GSG1L: variants seen among roughly 807,000 people sequenced by gnomAD.
GSG1L encodes the protein germ cell-specific gene 1-like protein.
In GSG1L, 24 loss-of-function variants were observed where a neutral mutation model predicts 42.1. The ratio of observed to expected loss-of-function variants is 0.57; its 90% CI spans 0.41 to 0.80. The LOEUF is 0.80. GSG1L is among the 30% of genes least tolerant of loss of function. GSG1L has a pLI of 0.00. For synonymous variants in GSG1L, 215 were observed against 203.5 expected, an observed-to-expected ratio of 1.06 and a Z score of -0.48; for missense variants, 445 against 472.2, an observed-to-expected ratio of 0.94 and a Z score of 0.53.
chr16:27,968,764 T>A (rs1422625569), intron 1 of GSG1L, among the ~76,000 whole-genome samples: 3 of 152,214 alleles, frequency 2.0e-5, no homozygotes, highest in African/African-American at 7.2e-5. Context: ...CCCTTTTCTT[T>A]AACAATTTTA....
intron 2 of GSG1L, among the ~76,000 whole-genome samples, chr16:27,900,445 C>T (rs767051921): frequency 2.2e-4 from 33 of 152,144 alleles, no homozygotes; most frequent in Non-Finnish European, 3.8e-4. Context: ...CCTGGTCAGC[C>T]CAGCTCCCAT....
intron 1 of GSG1L, among the ~76,000 whole-genome samples, chr16:27,992,887 C>T (rs1351375604): frequency 6.6e-6 from 1 of 152,150 alleles, no homozygotes; most frequent in African/African-American, 2.4e-5. Context: ...CCACATCCTC[C>T]ACCTTATAAC....
At position 27,896,106 on chromosome 16, in the gene GSG1L, A is replaced by G. The variant is rs556601206; in HGVS notation, c.398-11468T>C. 2.0e-5 allele frequency among the ~76,000 whole-genome samples: 3 copies of G among 152,256 alleles called. No individual in the cohort carries two copies. The South Asian group carries it at 6.2e-4, about 32-fold the overall frequency. ...GTCCCTAGCTGACTCCAAAGCACAT[A>G]GGAGTGTAAGGAGCACTGGCCTAGG... is the stretch of plus-strand genomic sequence containing the variant. On this transcript the variant is annotated intron_variant, in intron 2 of 6. Transcript: ENST00000447459.
chr16:27,872,573 C>T (rs555175335), intron 3 of GSG1L, among the ~76,000 whole-genome samples: 1 of 152,218 alleles, frequency 6.6e-6, no homozygotes, highest in South Asian at 2.1e-4. Context: ...CCGTCCAAGT[C>T]ACAGCATGAG....
intron 1 of GSG1L, among the ~76,000 whole-genome samples, chr16:28,061,867 G>C (rs539821247): frequency 6.6e-6 from 1 of 152,294 alleles, no homozygotes; most frequent in Non-Finnish European, 1.5e-5. Flanking sequence ...GAGGTGGGGC[G>C]GGGAAGGGCA....
chr16:27,840,911 C>T (rs778517844), intron 4 of GSG1L, among the ~76,000 whole-genome samples: 5 of 152,236 alleles, frequency 3.3e-5, no homozygotes. Flanking sequence ...CCAGCCACGC[C>T]CCAGATGACC....
intron 6 of GSG1L, among the ~76,000 whole-genome samples, chr16:27,806,073 G>A (rs1376701738): frequency 2.0e-5 from 3 of 152,022 alleles, no homozygotes; most frequent in Non-Finnish European, 2.9e-5. Flanking sequence ...TCCCGAGCCC[G>A]TCTCTGATGA....
intron 5 of GSG1L, among the ~76,000 whole-genome samples, chr16:27,826,273 G>A (rs2140963285): frequency 6.6e-6 from 1 of 152,140 alleles, no homozygotes; most frequent in African/African-American, 2.4e-5. Context: ...GTACCTGTGT[G>A]GGTCTCCTCA....
intron 1 of GSG1L, among the ~76,000 whole-genome samples, chr16:27,979,687 G>GAAAGAAAGAAAGAAAGA (rs778442144): frequency 1.6e-3 from 39 of 24,622 alleles, no homozygotes; most frequent in Non-Finnish European, 2.3e-3. Context: ...GAGAAAGAAA[G>GAAAGAAAGAAAGAAAGA]AAGGAAGGAA....
intron 5 of GSG1L, among the ~76,000 whole-genome samples, chr16:27,808,422 T>C (rs113201074): frequency 0.013 from 1,149 of 90,614 alleles, 10 homozygotes; most frequent in African/African-American, 0.051. Context: ...AAAACACATC[T>C]TTTTTTTTTT....
intron 2 of GSG1L, among the ~76,000 whole-genome samples, chr16:27,898,573 T>C (rs2084218669): frequency 6.6e-6 from 1 of 151,816 alleles, no homozygotes; most frequent in African/African-American, 2.4e-5. Context: ...TCCTCTTTCT[T>C]CTCCTCTCTC....
intron 3 of GSG1L, among the ~76,000 whole-genome samples, chr16:27,856,658 T>C (rs1322833734): frequency 6.6e-6 from 1 of 152,248 alleles, no homozygotes; most frequent in Non-Finnish European, 1.5e-5. Flanking sequence ...ACAGTTCTTT[T>C]GTATTTATTG....
chr16:27,909,710 T>C (rs1031187090), intron 2 of GSG1L, among the ~76,000 whole-genome samples: 1 of 143,196 alleles, frequency 7.0e-6, no homozygotes, highest in South Asian at 2.4e-4. Context: ...GGTGTGATCA[T>C]ATCTCACAGC....
At chr16:27,876,459 C>T (rs705922) in intron 3 of GSG1L, among the ~76,000 whole-genome samples, 61,057 of 152,014 alleles carry the variant, frequency 0.4, 14,508 homozygotes, top group Middle Eastern at 0.52. Context: ...TCCTGGCAGC[C>T]GATGGAAAAA....
intron 5 of GSG1L, among the ~76,000 whole-genome samples, chr16:27,809,202 A>C (rs2083002718): frequency 6.6e-6 from 1 of 152,082 alleles, no homozygotes; most frequent in African/African-American, 2.4e-5. Flanking sequence ...AGACCAGCCC[A>C]GGCAACATAG....
chr16:28,033,134 C>A (rs1264298079), intron 1 of GSG1L, among the ~76,000 whole-genome samples: 1 of 152,162 alleles, frequency 6.6e-6, no homozygotes, highest in South Asian at 2.1e-4. Context: ...TGGAGTACTT[C>A]AAATCTGCCC....
chr16:27,853,194 C>T (rs961222929), intron 3 of GSG1L, among the ~76,000 whole-genome samples: 11 of 152,204 alleles, frequency 7.2e-5, no homozygotes, highest in African/African-American at 2.4e-4. Context: ...ATGTTGGTCA[C>T]GACGGAGACC....
At chr16:27,845,082 C>CA in intron 3 of GSG1L, 21 bp from the exon 4 acceptor site, 1 of 1,555,484 alleles carries the variant, frequency 6.4e-7, no homozygotes, top group South Asian at 1.1e-5. Flanking sequence ...GAGAGCAGAG[C>CA]AAAGCGTCAG....
At chr16:27,894,903 A>C (rs1167176930) in intron 2 of GSG1L, among the ~76,000 whole-genome samples, 1 of 152,148 alleles carries the variant, frequency 6.6e-6, no homozygotes, top group Non-Finnish European at 1.5e-5. Flanking sequence ...GGTTGGTTCT[A>C]TTAGAGGCAT....
Sources: gnomAD v4.1 joint callset for allele counts (sites outside exome capture counted in the v4.1 genomes callset) on GRCh38, gnomAD v4.1.1 for gene constraint, MANE v1.5 for transcripts, NCBI Gene and HGNC (gene_info 2026-07-23, HGNC 2026-07-21) for gene names.